GCH1: variants seen among roughly 807,000 people sequenced by gnomAD.
The protein encoded by GCH1 is GTP cyclohydrolase 1.
A neutral mutation model predicts 25.9 loss-of-function variants in GCH1; 5 were observed. The ratio of observed to expected loss-of-function variants is 0.19; its 90% CI spans 0.10 to 0.41. GCH1 has a LOEUF of 0.41. Ranked by LOEUF, GCH1 falls within the 10% of genes least tolerant of loss-of-function variation. GCH1 has a pLI of 1.00. For synonymous variants in GCH1, 159 were observed against 129.6 expected (o/e 1.23, Z -1.54); for missense variants, 261 against 336.5 (o/e 0.78, Z 1.75).
At chr14:54,870,811 G>A (rs888851870) in intron 1 of GCH1, among the ~76,000 whole-genome samples, 1 of 152,226 alleles carries the variant, frequency 6.6e-6, no homozygotes, top group Non-Finnish European at 1.5e-5. Context: ...AGGGGCACCC[G>A]CCATTGCCGA....
chr14:54,901,708 G>C (rs1477948689), intron 1 of GCH1, among the ~76,000 whole-genome samples: 1 of 152,074 alleles, frequency 6.6e-6, no homozygotes. Flanking sequence ...GGGGAAGCCC[G>C]TGCCCAAAAT....
chr14:54,878,076 G>A (rs2040189104), intron 1 of GCH1: 1 of 154,612 alleles, frequency 6.5e-6, no homozygotes, highest in Non-Finnish European at 1.5e-5. Flanking sequence ...AAATATTTAA[G>A]GACAAACAGA....
intron 1 of GCH1, among the ~76,000 whole-genome samples, chr14:54,887,610 G>C (rs1012374762): frequency 6.6e-6 from 1 of 152,152 alleles, no homozygotes. Context: ...AGACATTTGA[G>C]ACACCTGAGG....
Position 54,900,107 on chromosome 14 carries a change from C to T in GCH1, c.343+2214G>A, listed in dbSNP as rs1268313448. On this transcript the variant is annotated intron_variant, in intron 1 of 5. Coordinates refer to ENST00000491895, the MANE Select transcript of GCH1 (RefSeq NM_000161.3). ...CTCGAACTCCTGACCTCAGGTGATC[C>T]GCCCGCCTCGGCCTCCCAAAGTGCT... 3.9e-5 allele frequency among the ~76,000 whole-genome samples: 6 copies of T among 152,058 alleles called. No individual in the cohort carries two copies. In the East Asian group the frequency reaches 5.8e-4, roughly 15 times the overall value.
chr14:54,859,806 A>G (rs2039867622), intron 2 of GCH1, 70 bp from the exon 3 acceptor site: 9 of 826,990 alleles, frequency 1.1e-5, no homozygotes, highest in Middle Eastern at 2.2e-4. Context: ...AAATAAGGAA[A>G]TATAGAAAGA....
chr14:54,902,650 G>A lies in GCH1; in HGVS notation c.14C>T (p.Pro5Leu). MEKG[P>L]VRAPAEKPRG... is the part of the protein sequence containing the mutation. ...CGGCTTCTCCGCCGGTGCCCGCACAGGGCCCTTCTCCATGGACCCGCCGCA... is the reference window on the plus strand; with the variant it reads ...CGGCTTCTCCGCCGGTGCCCGCACAAGGCCCTTCTCCATGGACCCGCCGCA... The change falls in exon 1 of 6, where the codon CCT (proline) becomes CTT (leucine). Residue 5 changes from proline to leucine, a missense_variant. Pro to Leu is a moderately conservative substitution (Grantham distance 98). Transcript: ENST00000491895. The A allele has an allele frequency of 6.8e-7, 1 of 1,479,734 alleles. No homozygotes were observed. The highest frequency in any genetic ancestry group is 8.9e-7 in the Non-Finnish European group (1 of 1,120,278). 91.7% of individuals were successfully genotyped at this position (1,479,734 alleles called of 1,614,324 possible). A position where few individuals can be genotyped will look rare whatever the true frequency, so the allele number is the denominator to read the frequency against.
chr14:54,863,244 C>A (rs757612592), intron 2 of GCH1, among the ~76,000 whole-genome samples: 2 of 151,206 alleles, frequency 1.3e-5, no homozygotes, highest in East Asian at 3.9e-4. Flanking sequence ...ACCGTGAAAC[C>A]CCTTCTCTAC....
chr14:54,885,667 T>C (rs1336410872), intron 1 of GCH1: 2 of 248,836 alleles, frequency 8.0e-6, no homozygotes, highest in South Asian at 4.6e-5. Context: ...GGCAGGGGGA[T>C]TACCTGAGGT....
chr14:54,855,854 G>A (rs2039803351), intron 3 of GCH1, among the ~76,000 whole-genome samples: 1 of 152,098 alleles, frequency 6.6e-6, no homozygotes, highest in Admixed American at 6.6e-5. Context: ...AAAGCAAGTT[G>A]TAGTACAGAA....
chr14:54,897,644 T>C (rs2040507013), intron 1 of GCH1, among the ~76,000 whole-genome samples: 2 of 152,034 alleles, frequency 1.3e-5, no homozygotes, highest in African/African-American at 2.4e-5. Flanking sequence ...AATATACAGA[T>C]AGGGTACACT....
At chr14:54,896,098 T>G (rs1374712892) in intron 1 of GCH1, among the ~76,000 whole-genome samples, 7 of 152,202 alleles carry the variant, frequency 4.6e-5, no homozygotes. Flanking sequence ...TACCAACTTA[T>G]TTTAAATTTT....
intron 1 of GCH1, among the ~76,000 whole-genome samples, chr14:54,878,934 T>A (rs1377517936): frequency 6.6e-6 from 1 of 152,094 alleles, no homozygotes; most frequent in Non-Finnish European, 1.5e-5. Flanking sequence ...GTTAATTTTT[T>A]ATTTTTTTGT....
At chr14:54,889,587 C>T (rs1163139102) in intron 1 of GCH1, among the ~76,000 whole-genome samples, 1 of 152,184 alleles carries the variant, frequency 6.6e-6, no homozygotes, top group East Asian at 1.9e-4. Flanking sequence ...GGCCAATTTC[C>T]TCACCTAAAC....
chr14:54,842,895 T>A lies in GCH1; in HGVS notation c.*1122A>T, dbSNP rs56126158. The A allele has an allele frequency of 2.0e-3, 1,172 of 590,464 alleles. 3 individuals are homozygous for A. Among genetic ancestry groups the A allele is most frequent in the Non-Finnish European group, 2.8e-3 (903 of 325,928 alleles). 36.6% of individuals were successfully genotyped at this position (590,464 alleles called of 1,614,324 possible). On this transcript the variant is annotated 3_prime_UTR_variant, in exon 6 of 6. Transcript: ENST00000491895. The stretch of plus-strand genomic sequence containing the variant: ...AGTTACAATGAGGACAAGACCCACA[T>A]AGACCACAAAGGAAACCGGGACCAG...
chr14:54,843,330 T>C lies in GCH1; in HGVS notation c.*687A>G. On this transcript the variant is annotated 3_prime_UTR_variant, in exon 6 of 6. Transcript: ENST00000491895. ...AGAGAGTTAAATGTCTAAATCCCTG[T>C]ATGTTGACACGAGAATACACTCGTA... The C allele has an allele frequency of 1.5e-6, 2 of 1,304,874 alleles. No individual in the cohort carries two copies. The highest frequency in any genetic ancestry group is 4.5e-5 in the South Asian group (2 of 44,406). The allele number at this position is 1,304,874 out of a possible 1,614,324, so 80.8% of individuals were successfully genotyped here.
At chr14:54,869,941 A>G (rs560770047) in intron 1 of GCH1, among the ~76,000 whole-genome samples, 1 of 152,332 alleles carries the variant, frequency 6.6e-6, no homozygotes, top group Non-Finnish European at 1.5e-5. Flanking sequence ...ACATCCATAC[A>G]CAGAAGAGAC....
At position 54,843,679 on chromosome 14, in the gene GCH1, G is replaced by C; in HGVS notation, c.*338C>G. On this transcript the variant is annotated 3_prime_UTR_variant, in exon 6 of 6. Coordinates refer to ENST00000491895, the MANE Select transcript of GCH1 (RefSeq NM_000161.3). ...TCCCTCTCATTCCCAATGCTCCTATGCTTATGAGGCAAATTACTGTACTAT... is the reference window on the plus strand; with the variant it reads ...TCCCTCTCATTCCCAATGCTCCTATCCTTATGAGGCAAATTACTGTACTAT... 1 of 1,595,018 alleles carries C rather than the reference G, an allele frequency of 6.3e-7. No homozygotes were observed. Among genetic ancestry groups the C allele is most frequent in the Non-Finnish European group, 8.5e-7 (1 of 1,172,252 alleles).
rs890735774 is a variant in GCH1 at position 54,842,714 on chromosome 14, T to G, written c.*1303A>C. The G allele has an allele frequency of 3.3e-6, 1 of 305,752 alleles. No homozygotes were observed. The highest frequency in any genetic ancestry group is 2.1e-5 in the African/African-American group (1 of 46,528). 18.9% of individuals were successfully genotyped at this position (305,752 alleles called of 1,614,324 possible). On this transcript the variant is annotated 3_prime_UTR_variant, in exon 6 of 6. Coordinates refer to ENST00000491895, the MANE Select transcript of GCH1 (RefSeq NM_000161.3). ...GAAGAGCACTATGTCAACCAAATACTAAACTTCATGGAATAACTGTGTTTG... is the reference window on the plus strand; with the variant it reads ...GAAGAGCACTATGTCAACCAAATACGAAACTTCATGGAATAACTGTGTTTG...
intron 2 of GCH1, among the ~76,000 whole-genome samples, chr14:54,862,613 GT>G (rs35880039): frequency 0.25 from 26,549 of 104,282 alleles, 2,113 homozygotes; most frequent in East Asian, 0.29. Flanking sequence ...TTTTTGGTTG[GT>G]TTTTTTTTTT....
Sources: allele counts gnomAD v4.1 joint callset (sites outside exome capture counted in the v4.1 genomes callset), GRCh38; gene constraint gnomAD v4.1.1; transcripts MANE v1.5; gene names NCBI Gene and HGNC (gene_info 2026-07-23, HGNC 2026-07-21).